CEP63: variants seen among roughly 807,000 people sequenced by gnomAD.
The protein encoded by CEP63 is centrosomal protein of 63 kDa.
CEP63 carries 84 observed loss-of-function variants against 89.1 expected under a neutral mutation model. The ratio of observed to expected loss-of-function variants is 0.94; its 90% CI spans 0.79 to 1.13. The LOEUF (loss-of-function observed/expected upper bound fraction) is 1.13. Among genes scored for constraint, CEP63 ranks in the 50% most tolerant of loss-of-function variants. CEP63 has a pLI of 0.00. For missense variants in CEP63, 838 were observed against 813.3 expected (o/e 1.03, Z -0.37); for synonymous variants, 267 against 272.5 (o/e 0.98, Z 0.20).
intron 3 of CEP63, among the ~76,000 whole-genome samples, chr3:134,507,549 C>T (rs1943774159): frequency 6.6e-6 from 1 of 152,082 alleles, no homozygotes; most frequent in Non-Finnish European, 1.5e-5. Context: ...GGGTACCACA[C>T]ATTGTTTGTT....
rs1240977378 is a variant in CEP63, at chr3:134,562,479, G to T, written c.*944G>T. 1 of 152,644 alleles carries T rather than the reference G, an allele frequency of 6.6e-6. No individual in the cohort carries two copies. 9.5% of individuals were successfully genotyped at this position (152,644 alleles called of 1,614,324 possible). A position where few individuals can be genotyped will look rare whatever the true frequency, so the allele number is the denominator to read the frequency against. On this transcript the variant is annotated 3_prime_UTR_variant, in exon 15 of 15. Coordinates refer to ENST00000675561, the MANE Select transcript of CEP63 (RefSeq NM_001353108.3). ...TGTGGCCTCTGTGAACCCTCTTTCT[G>T]TAGTGGATCTTTCCCATCAGCGTAA...
intron 2 of CEP63, among the ~76,000 whole-genome samples, chr3:134,506,184 G>C (rs904122792): frequency 6.6e-6 from 1 of 152,148 alleles, no homozygotes; most frequent in African/African-American, 2.4e-5. Flanking sequence ...TAATATATCT[G>C]TGTCCACTTC....
the CEP63 span, among the ~76,000 whole-genome samples, chr3:134,766,812 G>T: frequency 2.0e-5 from 3 of 152,236 alleles, no homozygotes; most frequent in South Asian, 6.2e-4. Flanking sequence ...TGTACTCATT[G>T]TTTCTTTGCT....
the CEP63 span, among the ~76,000 whole-genome samples, chr3:134,766,654 A>G: frequency 6.6e-6 from 1 of 152,232 alleles, no homozygotes; most frequent in Non-Finnish European, 1.5e-5. Context: ...CCATGGTGTA[A>G]GGAGAGTGAG....
intron 2 of CEP63, among the ~76,000 whole-genome samples, chr3:134,498,049 A>G (rs1940734731): frequency 6.6e-6 from 1 of 152,108 alleles, no homozygotes; most frequent in Non-Finnish European, 1.5e-5. Context: ...TTGGCTATTC[A>G]GGGCCTTTTA....
chr3:134,581,693 T>TTTTTTA (rs1958352819), intron 10 of CEP63, among the ~76,000 whole-genome samples: 1 of 143,992 alleles, frequency 6.9e-6, no homozygotes, highest in African/African-American at 2.6e-5. Context: ...TTTTTTTTTT[T>TTTTTTA]GAGACGGAGT....
chr3:134,682,793 T>C, the CEP63 span, among the ~76,000 whole-genome samples: 6 of 152,184 alleles, frequency 3.9e-5, no homozygotes, highest in African/African-American at 1.4e-4. Flanking sequence ...GGTACTATTA[T>C]CCTCATTTTA....
chr3:134,528,233 C>T (rs1461817830), intron 3 of CEP63, among the ~76,000 whole-genome samples: 1 of 152,144 alleles, frequency 6.6e-6, no homozygotes, highest in Non-Finnish European at 1.5e-5. Flanking sequence ...TCCCTCCATC[C>T]ACTCTTCAGT....
the CEP63 span, among the ~76,000 whole-genome samples, chr3:134,678,986 T>C: frequency 1.3e-5 from 2 of 152,042 alleles, no homozygotes; most frequent in African/African-American, 2.4e-5. Context: ...ACAAATTGTC[T>C]TGTAGCCTGA....
At chr3:134,511,945 C>T (rs907662046) in intron 3 of CEP63, among the ~76,000 whole-genome samples, 5 of 152,142 alleles carry the variant, frequency 3.3e-5, no homozygotes, top group Admixed American at 1.3e-4. Flanking sequence ...GCACTTAGTC[C>T]TAGGGTGTAA....
chr3:134,674,173 A>G, the CEP63 span, among the ~76,000 whole-genome samples: 1 of 152,238 alleles, frequency 6.6e-6, no homozygotes, highest in Non-Finnish European at 1.5e-5. Flanking sequence ...TCATAGTGTC[A>G]AGAAGTGAGT....
At chr3:134,669,765 A>G in the CEP63 span, among the ~76,000 whole-genome samples, 1 of 152,226 alleles carries the variant, frequency 6.6e-6, no homozygotes, top group Non-Finnish European at 1.5e-5. Context: ...GTACATGTTA[A>G]AAAGATGGAA....
At position 134,531,859 on chromosome 3, in the gene CEP63, T is replaced by C; in HGVS notation, c.237T>C (p.His79=). Residue 79 remains histidine (H), a synonymous_variant, in exon 4 of 15, where the codon CAT becomes CAC. Transcript: ENST00000675561. ...DVTHKEVGML[H]QQVEEHEKIK... is the part of the protein sequence containing the mutation. Reference sequence around the variant, plus strand: ...TCTGCTTTTAGGTTGGAATGTTGCATCAGCAGGTAGAAGAACATGAAAAAA... The same window carrying C: ...TCTGCTTTTAGGTTGGAATGTTGCACCAGCAGGTAGAAGAACATGAAAAAA... 1 of 1,613,358 alleles carries C rather than the reference T, an allele frequency of 6.2e-7. No homozygotes were observed.
intron 14 of CEP63, among the ~76,000 whole-genome samples, chr3:134,560,831 C>A (rs1282693316): frequency 6.6e-6 from 1 of 152,130 alleles, no homozygotes; most frequent in African/African-American, 2.4e-5. Flanking sequence ...CTTTATAGAA[C>A]ACAACTACTG....
the CEP63 span, among the ~76,000 whole-genome samples, chr3:134,739,344 A>G: frequency 9.3e-4 from 141 of 152,342 alleles, 1 homozygote; most frequent in Non-Finnish European, 1.5e-3. Flanking sequence ...CTGTAGGTAT[A>G]AATTAGTTCA....
chr3:134,498,423 C>T (rs1430757447), intron 2 of CEP63, among the ~76,000 whole-genome samples: 3 of 152,040 alleles, frequency 2.0e-5, no homozygotes, highest in Non-Finnish European at 4.4e-5. Flanking sequence ...TGCAACTTTA[C>T]TGAATTTCTT....
chr3:134,735,825 A>T, the CEP63 span, among the ~76,000 whole-genome samples: 3,234 of 152,238 alleles, frequency 0.021, 110 homozygotes, highest in African/African-American at 0.074. Context: ...AGCTCAGGTG[A>T]TTTTATAGCA....
chr3:134,557,233 G>T (rs1249641854), intron 12 of CEP63, among the ~76,000 whole-genome samples: 1 of 151,794 alleles, frequency 6.6e-6, no homozygotes, highest in Non-Finnish European at 1.5e-5. Flanking sequence ...ATTTTATCTG[G>T]CATTGACAAC....
chr3:134,761,930 T>C, the CEP63 span, among the ~76,000 whole-genome samples: 4 of 152,212 alleles, frequency 2.6e-5, no homozygotes, highest in Non-Finnish European at 5.9e-5. Flanking sequence ...CTTCATTTAC[T>C]CTAGCTGCTC....
Sources: allele counts gnomAD v4.1 joint callset (sites outside exome capture counted in the v4.1 genomes callset), GRCh38; gene constraint gnomAD v4.1.1; transcripts MANE v1.5; gene names NCBI Gene and HGNC (gene_info 2026-07-23, HGNC 2026-07-21).